Variants in TMEM71 observed in about 807,000 individuals in gnomAD.
TMEM71 encodes the protein transmembrane protein 71.
In TMEM71, 44 loss-of-function variants were observed where a neutral mutation model predicts 38.0. That is an observed-to-expected ratio of 1.16 (90% confidence interval 0.91 to 1.49). TMEM71 has a LOEUF of 1.49. Ranked by LOEUF, TMEM71 falls within the 40% of genes most tolerant of loss-of-function variation. The pLI is 0.00. For missense variants in TMEM71, 367 were observed against 348.6 expected, an observed-to-expected ratio of 1.05 and a Z score of -0.42; for synonymous variants, 133 against 122.5, an observed-to-expected ratio of 1.09 and a Z score of -0.56.
chr8:132,718,200 A>T (rs1231469904), intron 7 of TMEM71, among the ~76,000 whole-genome samples: 1 of 152,084 alleles, frequency 6.6e-6, no homozygotes, highest in African/African-American at 2.4e-5. Flanking sequence ...TACTAAAACC[A>T]CTAAAGGTGC....
intron 9 of TMEM71, among the ~76,000 whole-genome samples, chr8:132,711,358 C>G (rs1344364071): frequency 6.6e-6 from 1 of 152,138 alleles, no homozygotes; most frequent in African/African-American, 2.4e-5. Flanking sequence ...TCATGATCCT[C>G]AAGAAGATTA....
intron 1 of TMEM71, among the ~76,000 whole-genome samples, chr8:132,759,852 A>G (rs1311333686): frequency 6.6e-6 from 1 of 152,240 alleles, no homozygotes; most frequent in Non-Finnish European, 1.5e-5. Context: ...AACCTGGTTT[A>G]TAGAGACCTG....
At chr8:132,724,736 G>A (rs184260346) in intron 6 of TMEM71, among the ~76,000 whole-genome samples, 2 of 152,272 alleles carry the variant, frequency 1.3e-5, no homozygotes, top group East Asian at 3.9e-4. Flanking sequence ...AATTATGAAA[G>A]CATTATTAGA....
chr8:132,731,640 G>A (rs1411301544), intron 5 of TMEM71, among the ~76,000 whole-genome samples: 5 of 152,156 alleles, frequency 3.3e-5, no homozygotes, highest in Non-Finnish European at 5.9e-5. Context: ...CATAGCAAGA[G>A]GGCCTCTGGG....
At chr8:132,723,019 T>A (rs1408964770) in intron 6 of TMEM71, among the ~76,000 whole-genome samples, 1 of 152,240 alleles carries the variant, frequency 6.6e-6, no homozygotes, top group Non-Finnish European at 1.5e-5. Context: ...CAACAGTTGT[T>A]TAAAACTTGG....
intron 5 of TMEM71, among the ~76,000 whole-genome samples, chr8:132,735,913 G>A (rs527792232): frequency 6.6e-6 from 1 of 152,214 alleles, no homozygotes; most frequent in African/African-American, 2.4e-5. Context: ...TCACGTAAAT[G>A]CCCTAAACAG....
chr8:132,767,310 C>T, the TMEM71 span, among the ~76,000 whole-genome samples: 1 of 152,106 alleles, frequency 6.6e-6, no homozygotes, highest in Non-Finnish European at 1.5e-5. Flanking sequence ...GGGAAGATAA[C>T]TTTGAAATTT....
the TMEM71 span, among the ~76,000 whole-genome samples, chr8:132,773,491 T>C: frequency 0.52 from 79,772 of 152,044 alleles, 21,154 homozygotes; most frequent in Non-Finnish European, 0.57. Context: ...TCTTTATGTA[T>C]GTATTTTATT....
At chr8:132,759,125 A>G (rs1036052419) in intron 1 of TMEM71, among the ~76,000 whole-genome samples, 2 of 152,190 alleles carry the variant, frequency 1.3e-5, no homozygotes, top group African/African-American at 4.8e-5. Flanking sequence ...TGCCTCACTC[A>G]GTGCATCTCA....
Position 132,751,830 on chromosome 8 carries a change from A to G in TMEM71, c.269T>C (p.Leu90Pro). The change falls in exon 4 of 10, where the codon CTG (leucine) becomes CCG (proline). Residue 90 changes from leucine to proline, a missense_variant. By Grantham distance (98) the Leu-to-Pro change is moderately conservative. Coordinates refer to ENST00000677595, the MANE Select transcript of TMEM71 (RefSeq NM_001382403.1). ...FLCDKDGNIT[L>P]NPSQTSVMYK... ...CATAACGCTGGTCTGGGATGGGTTCAGAGTTATGTTGCCATCTTTGTCGCA... is the reference window on the plus strand; with the variant it reads ...CATAACGCTGGTCTGGGATGGGTTCGGAGTTATGTTGCCATCTTTGTCGCA... The G allele has an allele frequency of 6.2e-7, 1 of 1,613,934 alleles. No homozygotes were observed. The highest frequency in any genetic ancestry group is 1.1e-5 in the South Asian group (1 of 91,072).
At chr8:132,758,228 A>G (rs1051283698) in intron 2 of TMEM71, 2 of 152,242 alleles carry the variant, frequency 1.3e-5, no homozygotes, top group African/African-American at 4.8e-5. Context: ...AGAAAGTTGG[A>G]GTTGATTAAT....
the TMEM71 span, among the ~76,000 whole-genome samples, chr8:132,767,255 G>A: frequency 6.6e-6 from 1 of 152,172 alleles, no homozygotes; most frequent in African/African-American, 2.4e-5. Context: ...CTTGGGGGCA[G>A]AGCAACCTTC....
At chr8:132,770,920 G>C in the TMEM71 span, among the ~76,000 whole-genome samples, 1 of 152,272 alleles carries the variant, frequency 6.6e-6, no homozygotes, top group East Asian at 1.9e-4. Context: ...TGTTAAAACA[G>C]TGCCCCTGAG....
intron 4 of TMEM71, among the ~76,000 whole-genome samples, chr8:132,749,891 G>A (rs1005227894): frequency 1.3e-5 from 2 of 152,086 alleles, no homozygotes; most frequent in South Asian, 2.1e-4. Context: ...GTGCATGCCT[G>A]TAATCCCAGC....
In TMEM71 at chr8:132,746,961, T is replaced by C. The variant is rs761429220; in HGVS notation, c.468A>G (p.Thr156=). 6.2e-7 allele frequency: 1 copy of C among 1,604,292 alleles called. No individual in the cohort carries two copies. The highest frequency in any genetic ancestry group is 8.5e-7 in the Non-Finnish European group (1 of 1,177,250). The change falls in exon 5 of 10, where the codon ACA becomes ACG. Residue 156 remains threonine (T), a synonymous_variant. Transcript: ENST00000677595. ...NWLKGTRRLD[T]DHCNGNADDL... The stretch of plus-strand genomic sequence containing the variant: ...ACTCACCATTTCCATTGCAATGGTC[T>C]GTGTCCAACCTCCTGGTCCCCTTCA...
intron 5 of TMEM71, 73 bp downstream of exon 5, chr8:132,746,869 G>A (rs1828417263): frequency 8.6e-6 from 11 of 1,280,574 alleles, no homozygotes; most frequent in Non-Finnish European, 9.5e-6. Flanking sequence ...ACTGACATTG[G>A]TTGAGGACCA....
chr8:132,747,979 A>G (rs776177007), intron 4 of TMEM71, among the ~76,000 whole-genome samples: 58 of 152,192 alleles, frequency 3.8e-4, no homozygotes, highest in Non-Finnish European at 1.9e-4. Context: ...CAGAGGTACA[A>G]GATTGAGGTC....
chr8:132,756,887 C>A (rs1829047410), intron 3 of TMEM71, among the ~76,000 whole-genome samples: 1 of 151,736 alleles, frequency 6.6e-6, no homozygotes, highest in South Asian at 2.1e-4. Flanking sequence ...CCATGCCCAG[C>A]GAAGAATGAT....
the TMEM71 span, among the ~76,000 whole-genome samples, chr8:132,773,141 T>C: frequency 2.0e-5 from 3 of 152,184 alleles, no homozygotes; most frequent in Admixed American, 6.5e-5. Flanking sequence ...CTGGGGCAAT[T>C]CTTCAAGGTA....
Sources: gnomAD v4.1 joint callset for allele counts (sites outside exome capture counted in the v4.1 genomes callset) on GRCh38, gnomAD v4.1.1 for gene constraint, MANE v1.5 for transcripts, NCBI Gene and HGNC (gene_info 2026-07-23, HGNC 2026-07-21) for gene names.